Variants in FANCA observed in about 807,000 individuals in gnomAD.
The protein encoded by FANCA is FA complementation group A, also known as Fanconi anemia group A protein.
FANCA carries 236 observed loss-of-function variants against 194.3 expected under a neutral mutation model. The observed-to-expected ratio is 1.21, with a 90% confidence interval of 1.09 to 1.35. The LOEUF is 1.35. FANCA is among the 40% of genes most tolerant of loss of function. The probability of loss-of-function intolerance (pLI) is 0.00; values close to 1 mark genes in which losing one functional copy is unlikely to be tolerated. For missense variants in FANCA, 2,628 were observed against 1,813.9 expected, an observed-to-expected ratio of 1.45 and a Z score of -8.15; for synonymous variants, 1,014 against 715.8, an observed-to-expected ratio of 1.42 and a Z score of -6.65.
rs781666183 is a variant in FANCA, at chr16:89,737,829, G to C, written c.*772C>G. The C allele has an allele frequency of 1.7e-5, 27 of 1,614,056 alleles. No individual in the cohort carries two copies. Among genetic ancestry groups the C allele is most frequent in the Non-Finnish European group, 2.1e-5 (25 of 1,180,054 alleles). ...AGAGGTGCGGAACTATATCTGTGAC[G>C]AATGTGGACAAACCTTCAAGCAGCG... On this transcript the variant is annotated 3_prime_UTR_variant, in exon 43 of 43. Coordinates refer to ENST00000389301, the MANE Select transcript of FANCA (RefSeq NM_000135.4).
chr16:89,760,988 C>T (rs963293058), intron 29 of FANCA, among the ~76,000 whole-genome samples: 4 of 152,160 alleles, frequency 2.6e-5, no homozygotes, highest in African/African-American at 4.8e-5. Flanking sequence ...CCACATCTGC[C>T]CTCATTGATA....
rs76981237 is a variant in FANCA, at chr16:89,745,451, T to C, written c.3514-380A>G. Among the ~76,000 whole-genome samples, 1,170 of 127,904 alleles carry C rather than the reference T, an allele frequency of 9.1e-3. 4 individuals are homozygous for C. Among genetic ancestry groups the C allele is most frequent in the East Asian group, 0.035 (125 of 3,542 alleles). The allele number at this position is 127,904 out of a possible 152,430, so 83.9% of individuals were successfully genotyped here. A position where few individuals can be genotyped will look rare whatever the true frequency, so the allele number is the denominator to read the frequency against. ...CAAAACAGTGAAGGGACCACACTCC[T>C]CTGAGCTGGGAACAAAACAGTGAAG... is the stretch of plus-strand genomic sequence containing the variant. On this transcript the variant is annotated intron_variant, in intron 35 of 42. Coordinates refer to ENST00000389301, the MANE Select transcript of FANCA (RefSeq NM_000135.4).
intron 30 of FANCA, among the ~76,000 whole-genome samples, chr16:89,754,528 GC>G (rs1195814637): frequency 6.6e-6 from 1 of 151,960 alleles, no homozygotes; most frequent in African/African-American, 2.4e-5. Context: ...CCACCACGAT[GC>G]CCGGCTAATT....
intron 36 of FANCA, 195 bp downstream of exon 36, chr16:89,744,764 C>G (rs1049725178): frequency 1.9e-5 from 12 of 626,182 alleles, no homozygotes; most frequent in Non-Finnish European, 3.2e-5. Flanking sequence ...TCAACTGATT[C>G]TCCTGCCTCG....
At chr16:89,765,932 CTA>C (rs2039111360) in intron 27 of FANCA, among the ~76,000 whole-genome samples, 1 of 152,152 alleles carries the variant, frequency 6.6e-6, no homozygotes, top group African/African-American at 2.4e-5. Context: ...GGCCAGGAAT[CTA>C]TAGTTTCAAA....
At chr16:89,761,239 G>A (rs2038941177) in intron 29 of FANCA, among the ~76,000 whole-genome samples, 1 of 152,132 alleles carries the variant, frequency 6.6e-6, no homozygotes, top group South Asian at 2.1e-4. Context: ...TTAACACGGT[G>A]AAACCCCGTC....
chr16:89,756,713 G>A (rs941598943), intron 30 of FANCA, among the ~76,000 whole-genome samples: 12 of 152,164 alleles, frequency 7.9e-5, no homozygotes, highest in African/African-American at 1.4e-4. Context: ...TTTCTGTTCC[G>A]CAGTGAGCAG....
chr16:89,798,690 A>G, intron 10 of FANCA: 1 of 1,290,018 alleles, frequency 7.8e-7, no homozygotes, highest in Non-Finnish European at 9.9e-7. Flanking sequence ...ATGGAGAGAA[A>G]AAGCTAATAG....
intron 22 of FANCA, among the ~76,000 whole-genome samples, chr16:89,772,983 G>A (rs1343193961): frequency 1.3e-5 from 2 of 152,120 alleles, no homozygotes. Context: ...CGGGAAAACA[G>A]GCATCCTAGT....
At chr16:89,798,480 A>G (rs2040322957) in intron 10 of FANCA, 3 of 1,095,502 alleles carry the variant, frequency 2.7e-6, no homozygotes, top group Non-Finnish European at 3.3e-6. Context: ...AAAGAATGAA[A>G]AGGTTGACAA....
chr16:89,745,934 T>A (rs2038373871), intron 35 of FANCA, among the ~76,000 whole-genome samples: 1 of 152,184 alleles, frequency 6.6e-6, no homozygotes, highest in African/African-American at 2.4e-5. Flanking sequence ...GAGCTACAAC[T>A]CGGTGCAAAT....
chr16:89,812,337 CAAAAAAACAAAACAA>C (rs1332937920), intron 3 of FANCA, among the ~76,000 whole-genome samples: 12 of 148,446 alleles, frequency 8.1e-5, no homozygotes, highest in South Asian at 4.3e-4. Flanking sequence ...GACTTCATCT[CAAAAAAACAAAACAA>C]AAAAAAACTG....
chr16:89,775,824 C>CA lies in FANCA; in HGVS notation c.1827-10dup. ...GGGGGATTTTATCTGCTCTGGATCACAGGAAAACAATACAATTAAGTCAGC... is the reference window on the plus strand; with the variant it reads ...GGGGGATTTTATCTGCTCTGGATCACAAGGAAAACAATACAATTAAGTCAGC... On this transcript the variant is annotated splice_polypyrimidine_tract_variant and intron_variant, in intron 20 of 42. Transcript: ENST00000389301. 1 of 1,602,202 alleles carries CA rather than the reference C, an allele frequency of 6.2e-7. No individual in the cohort carries two copies. Among genetic ancestry groups the CA allele is most frequent in the Middle Eastern group, 1.7e-4 (1 of 6,028 alleles).
chr16:89,750,442 C>T (rs1358966883), intron 31 of FANCA, among the ~76,000 whole-genome samples: 2 of 149,476 alleles, frequency 1.3e-5, no homozygotes, highest in Non-Finnish European at 3.0e-5. Context: ...CAGATCGCAC[C>T]ACTGCACTTC....
intron 14 of FANCA, among the ~76,000 whole-genome samples, chr16:89,788,515 T>C (rs1361739449): frequency 2.0e-5 from 3 of 151,770 alleles, no homozygotes; most frequent in African/African-American, 7.3e-5. Flanking sequence ...CTCATCTAAC[T>C]ATCTGGACAT....
intron 30 of FANCA, among the ~76,000 whole-genome samples, chr16:89,752,664 A>T (rs868106171): frequency 2.0e-5 from 3 of 152,380 alleles, no homozygotes; most frequent in Middle Eastern, 3.4e-3. Context: ...AGGAAAAACC[A>T]GGCCATACAG....
At chr16:89,782,962 T>C (rs938103572) in intron 16 of FANCA, 44 bp from the exon 17 acceptor site, 10 of 1,612,970 alleles carry the variant, frequency 6.2e-6, no homozygotes, top group Middle Eastern at 1.7e-4. Flanking sequence ...CAAAGCAGTT[T>C]CTGCTGGGAC....
intron 28 of FANCA, 73 bp from the exon 29 acceptor site, chr16:89,762,095 T>C: frequency 8.1e-7 from 1 of 1,237,376 alleles, no homozygotes; most frequent in Non-Finnish European, 1.2e-6. Context: ...TATAAACCAG[T>C]TTGTCATTTC....
intron 8 of FANCA, 96 bp downstream of exon 8, chr16:89,803,149 TAAATAGGTACAAAC>T: frequency 9.2e-7 from 1 of 1,083,650 alleles, no homozygotes; most frequent in Non-Finnish European, 1.4e-6. Flanking sequence ...ATGTACCCCG[TAAATAGGTACAAAC>T]AGCACGTTTC....
Sources: gnomAD v4.1 joint callset for allele counts (sites outside exome capture counted in the v4.1 genomes callset) on GRCh38, gnomAD v4.1.1 for gene constraint, MANE v1.5 for transcripts, NCBI Gene and HGNC (gene_info 2026-07-23, HGNC 2026-07-21) for gene names.